SBF2: variants seen among roughly 807,000 people sequenced by gnomAD.
SBF2 encodes SET binding factor 2, also known as myotubularin-related protein 13.
In SBF2, 112 loss-of-function variants were observed where a neutral mutation model predicts 225.2. The observed-to-expected ratio is 0.50, with a 90% CI of 0.43 to 0.58. The LOEUF (loss-of-function observed/expected upper bound fraction) is 0.58, where lower values mean the gene tolerates loss of function less well. Among genes scored for constraint, SBF2 ranks in the 20% least tolerant of loss-of-function variants. SBF2 has a pLI of 0.00. For synonymous variants in SBF2, 763 were observed against 773.3 expected, an observed-to-expected ratio of 0.99 and a Z score of 0.22; for missense variants, 1,996 against 2,206.2, an observed-to-expected ratio of 0.90 and a Z score of 1.91.
chr11:9,856,818 C>T (rs1207966015), intron 18 of SBF2, 98 bp from the exon 19 acceptor site: 46 of 1,289,168 alleles, frequency 3.6e-5, no homozygotes, highest in Middle Eastern at 2.1e-4. Flanking sequence ...GACGGAGTCT[C>T]GCTCTGTCAC....
intron 1 of SBF2, among the ~76,000 whole-genome samples, chr11:10,290,584 G>C (rs1039547760): frequency 3.3e-5 from 5 of 152,108 alleles, no homozygotes; most frequent in Non-Finnish European, 7.4e-5. Flanking sequence ...TCCCAGCAGG[G>C]AGAGGAGTAG....
intron 2 of SBF2, among the ~76,000 whole-genome samples, chr11:10,075,946 T>C (rs753631457): frequency 1.5e-4 from 23 of 151,942 alleles, no homozygotes; most frequent in Non-Finnish European, 2.9e-4. Context: ...TTTGTTACCA[T>C]AGCTCACCCA....
chr11:10,043,411 T>C lies in SBF2; in HGVS notation c.142-430A>G, dbSNP rs375763351. 1.7e-4 allele frequency among the ~76,000 whole-genome samples: 26 copies of C among 152,284 alleles called. No individual in the cohort carries two copies. The East Asian group carries it at 3.9e-3, about 23-fold the overall frequency. On this transcript the variant is annotated intron_variant, in intron 2 of 39. Coordinates refer to ENST00000256190, the MANE Select transcript of SBF2 (RefSeq NM_030962.4). ...TCAATTCATTACAAAAAAAGAGATATCTTGTTCAGCAAGACAGACCACATT... is the reference window on the plus strand; with the variant it reads ...TCAATTCATTACAAAAAAAGAGATACCTTGTTCAGCAAGACAGACCACATT...
At chr11:10,269,003 G>T (rs1237157387) in intron 1 of SBF2, among the ~76,000 whole-genome samples, 1 of 152,068 alleles carries the variant, frequency 6.6e-6, no homozygotes, top group African/African-American at 2.4e-5. Context: ...CTCATTAAGT[G>T]ATTTTTTTTT....
chr11:10,231,528 T>A (rs1591270952), intron 1 of SBF2, among the ~76,000 whole-genome samples: 2 of 152,162 alleles, frequency 1.3e-5, no homozygotes, highest in Admixed American at 6.6e-5. Context: ...CTTCTAACAG[T>A]CAGGACCCTC....
At chr11:9,830,609 G>A (rs1434668642) in intron 27 of SBF2, among the ~76,000 whole-genome samples, 5 of 151,602 alleles carry the variant, frequency 3.3e-5, no homozygotes, top group South Asian at 2.1e-4. Flanking sequence ...GTGTAGTGGC[G>A]GGCGCCTGTA....
At chr11:10,140,121 G>C (rs1954570503) in intron 2 of SBF2, among the ~76,000 whole-genome samples, 1 of 152,210 alleles carries the variant, frequency 6.6e-6, no homozygotes, top group African/African-American at 2.4e-5. Context: ...TTTCCTGAAT[G>C]ACAGGAGTGC....
chr11:10,090,764 C>CAAGAAAAAAA (rs1951749954), intron 2 of SBF2, among the ~76,000 whole-genome samples: 1 of 44,428 alleles, frequency 2.3e-5, no homozygotes, highest in Non-Finnish European at 4.4e-5. Flanking sequence ...GATTCCATCT[C>CAAGAAAAAAA]AAAAAAAAAA....
At chr11:9,997,756 C>G (rs755266831) in intron 9 of SBF2, among the ~76,000 whole-genome samples, 2 of 152,084 alleles carry the variant, frequency 1.3e-5, no homozygotes, top group Non-Finnish European at 2.9e-5. Context: ...CCAGCCTGGG[C>G]GACAGAGCAA....
At chr11:10,158,308 G>C (rs146177314) in intron 2 of SBF2, among the ~76,000 whole-genome samples, 2 of 151,580 alleles carry the variant, frequency 1.3e-5, no homozygotes, top group Admixed American at 6.6e-5. Flanking sequence ...CTAAATCAGC[G>C]GAAGAAAAGA....
intron 6 of SBF2, among the ~76,000 whole-genome samples, chr11:10,009,221 T>A (rs1005413721): frequency 6.6e-6 from 1 of 152,214 alleles, no homozygotes; most frequent in Non-Finnish European, 1.5e-5. Context: ...CATTTAAATA[T>A]GTTACAACGG....
At chr11:9,906,946 C>T (rs896070138) in intron 16 of SBF2, among the ~76,000 whole-genome samples, 1 of 152,120 alleles carries the variant, frequency 6.6e-6, no homozygotes, top group East Asian at 1.9e-4. Flanking sequence ...TTGTTGCCAA[C>T]ATTCCAGTTT....
intron 2 of SBF2, among the ~76,000 whole-genome samples, chr11:10,122,524 T>C (rs950618176): frequency 1.3e-5 from 2 of 152,216 alleles, no homozygotes; most frequent in Admixed American, 6.5e-5. Context: ...ACACCCTCAA[T>C]TATGTGGCAC....
chr11:10,209,644 T>A (rs571631482), intron 1 of SBF2, among the ~76,000 whole-genome samples: 22 of 152,164 alleles, frequency 1.4e-4, no homozygotes, highest in African/African-American at 5.1e-4. Flanking sequence ...AGCAAATTAA[T>A]CATGACCAAA....
At chr11:10,117,440 C>CAAGAAAA (rs755890336) in intron 2 of SBF2, among the ~76,000 whole-genome samples, 1 of 40,906 alleles carries the variant, frequency 2.4e-5, no homozygotes, top group Non-Finnish European at 5.9e-5. Flanking sequence ...GAATCCAACT[C>CAAGAAAA]AAAAAAAAAA....
chr11:10,027,685 AAT>A (rs1949100043), intron 6 of SBF2, among the ~76,000 whole-genome samples: 1 of 152,186 alleles, frequency 6.6e-6, no homozygotes, highest in Non-Finnish European at 1.5e-5. Context: ...CCTGGTTTGA[AAT>A]ATCCTCATTT....
At chr11:10,073,430 T>A (rs1290136362) in intron 2 of SBF2, among the ~76,000 whole-genome samples, 1 of 152,164 alleles carries the variant, frequency 6.6e-6, no homozygotes, top group Non-Finnish European at 1.5e-5. Context: ...AAGATTTAAG[T>A]GGCCCAGCAC....
At chr11:9,867,722 T>C (rs757483019) in intron 17 of SBF2, among the ~76,000 whole-genome samples, 3 of 152,162 alleles carry the variant, frequency 2.0e-5, no homozygotes, top group Non-Finnish European at 4.4e-5. Flanking sequence ...TGCAGCAACA[T>C]GGATGGAACT....
chr11:9,939,799 G>T (rs536193927), intron 16 of SBF2, among the ~76,000 whole-genome samples: 1 of 152,194 alleles, frequency 6.6e-6, no homozygotes, highest in African/African-American at 2.4e-5. Context: ...TTGAAATTTT[G>T]TTCAAAGGGG....
Sources: gnomAD v4.1 joint callset for allele counts (sites outside exome capture counted in the v4.1 genomes callset) on GRCh38, gnomAD v4.1.1 for gene constraint, MANE v1.5 for transcripts, NCBI Gene and HGNC (gene_info 2026-07-23, HGNC 2026-07-21) for gene names.